N4BP2L2: variants seen among roughly 807,000 people sequenced by gnomAD.
N4BP2L2 encodes the protein NEDD4-binding protein 2-like 2.
A neutral mutation model predicts 56.2 loss-of-function variants in N4BP2L2; 50 were observed. The observed-to-expected ratio is 0.89, with a 90% CI of 0.71 to 1.13. The LOEUF is 1.13. Ranked by LOEUF, N4BP2L2 falls within the 50% of genes most tolerant of loss-of-function variation. The probability of loss-of-function intolerance (pLI) is 0.00; values close to 1 mark genes in which losing one functional copy is unlikely to be tolerated. For synonymous variants in N4BP2L2, 203 were observed against 223.6 expected, an observed-to-expected ratio of 0.91 and a Z score of 0.82; for missense variants, 689 against 693.8, an observed-to-expected ratio of 0.99 and a Z score of 0.08.
At chr13:32,458,589 TA>T (rs1448222285) in intron 6 of N4BP2L2, among the ~76,000 whole-genome samples, 1 of 152,136 alleles carries the variant, frequency 6.6e-6, no homozygotes, top group Non-Finnish European at 1.5e-5. Context: ...TAGGATATAA[TA>T]ATACTAAATA....
intron 6 of N4BP2L2, among the ~76,000 whole-genome samples, chr13:32,492,916 G>T (rs1220740831): frequency 3.5e-4 from 38 of 107,468 alleles, no homozygotes; most frequent in African/African-American, 4.8e-4. Flanking sequence ...TAGCTTTTCT[G>T]TTTTTTTTTT....
At chr13:32,443,018 T>C (rs2076586427) in exon 7 of N4BP2L2, 1 of 1,613,538 alleles carries the variant, frequency 6.2e-7, no homozygotes, top group Non-Finnish European at 8.5e-7. Flanking sequence ...TTTACACCGA[T>C]ACGACTCTGT....
intron 3 of N4BP2L2, chr13:32,522,827 T>C (rs1186572915): frequency 6.6e-6 from 1 of 152,232 alleles, no homozygotes; most frequent in Non-Finnish European, 1.5e-5. Context: ...TTTGGGAAAG[T>C]TACCGCAGAT....
At chr13:32,530,468 G>C (rs1218763883) in intron 2 of N4BP2L2, among the ~76,000 whole-genome samples, 1 of 151,978 alleles carries the variant, frequency 6.6e-6, no homozygotes, top group Non-Finnish European at 1.5e-5. Flanking sequence ...GTACTAAAAT[G>C]GATTCTCAGA....
intron 6 of N4BP2L2, among the ~76,000 whole-genome samples, chr13:32,496,105 G>A (rs2088549788): frequency 6.6e-6 from 1 of 152,170 alleles, no homozygotes; most frequent in South Asian, 2.1e-4. Flanking sequence ...GCCAGGAAGG[G>A]CAATGTGCTA....
At chr13:32,434,331 C>T (rs907226082) in intron 9 of N4BP2L2, among the ~76,000 whole-genome samples, 6 of 149,290 alleles carry the variant, frequency 4.0e-5, no homozygotes, top group Non-Finnish European at 7.4e-5. Flanking sequence ...CTCCTGAGCT[C>T]GGGCAATCTG....
intron 2 of N4BP2L2, among the ~76,000 whole-genome samples, chr13:32,534,451 T>C (rs1303767483): frequency 6.6e-6 from 1 of 152,150 alleles, no homozygotes; most frequent in Non-Finnish European, 1.5e-5. Context: ...ATTTCAGTTA[T>C]TTATTGTCTC....
chr13:32,464,483 G>A (rs550360998), intron 6 of N4BP2L2, among the ~76,000 whole-genome samples: 3 of 152,250 alleles, frequency 2.0e-5, no homozygotes, highest in African/African-American at 4.8e-5. Flanking sequence ...GAAAGCTCAC[G>A]TCCAACAGGA....
intron 3 of N4BP2L2, among the ~76,000 whole-genome samples, chr13:32,526,229 A>C (rs1219904734): frequency 1.3e-5 from 2 of 152,202 alleles, no homozygotes; most frequent in Non-Finnish European, 2.9e-5. Context: ...TAAAAGAAGG[A>C]ACATGCTATG....
intron 6 of N4BP2L2, among the ~76,000 whole-genome samples, chr13:32,486,471 T>C (rs1035730312): frequency 6.7e-6 from 1 of 148,950 alleles, no homozygotes; most frequent in Non-Finnish European, 1.5e-5. Flanking sequence ...AGGTCGGGAG[T>C]TCAAGACCAG....
At chr13:32,463,603 G>A (rs2080625969) in intron 6 of N4BP2L2, among the ~76,000 whole-genome samples, 2 of 150,920 alleles carry the variant, frequency 1.3e-5, no homozygotes, top group Admixed American at 6.6e-5. Context: ...GGCAGAGGTT[G>A]CGGTGAGCAG....
chr13:32,484,052 A>C (rs1300530276), intron 6 of N4BP2L2, among the ~76,000 whole-genome samples: 1 of 152,030 alleles, frequency 6.6e-6, no homozygotes, highest in East Asian at 1.9e-4. Context: ...TACAACTTAC[A>C]TAATCCAAGC....
intron 6 of N4BP2L2, among the ~76,000 whole-genome samples, chr13:32,494,756 C>A (rs994896897): frequency 6.6e-6 from 1 of 152,070 alleles, no homozygotes; most frequent in Admixed American, 6.6e-5. Flanking sequence ...ACAGAGTAAC[C>A]CAGGTTCTCT....
exon 6 of N4BP2L2, chr13:32,513,236 T>C (rs184249312): frequency 6.6e-6 from 1 of 152,298 alleles, no homozygotes; most frequent in Non-Finnish European, 1.5e-5. Context: ...TTACAAACCA[T>C]GCAAAAGTGA....
intron 6 of N4BP2L2, among the ~76,000 whole-genome samples, chr13:32,477,108 C>T (rs1406491840): frequency 6.6e-6 from 1 of 152,172 alleles, no homozygotes; most frequent in African/African-American, 2.4e-5. Flanking sequence ...TACCAGTGAA[C>T]TTGAATGTGT....
intron 6 of N4BP2L2, among the ~76,000 whole-genome samples, chr13:32,449,089 T>C (rs1310618415): frequency 6.6e-6 from 1 of 152,186 alleles, no homozygotes; most frequent in Admixed American, 6.5e-5. Flanking sequence ...ATTCTCTCCA[T>C]TGCCTCTGTA....
At chr13:32,478,134 A>G in intron 6 of N4BP2L2, 7 of 1,092,136 alleles carry the variant, frequency 6.4e-6, no homozygotes, top group Non-Finnish European at 8.4e-6. Flanking sequence ...CGTCTACGCC[A>G]TGGCCAGAAC....
chr13:32,476,864 G>A (rs758593318), intron 6 of N4BP2L2, among the ~76,000 whole-genome samples: 17 of 152,200 alleles, frequency 1.1e-4, no homozygotes, highest in Non-Finnish European at 2.2e-4. Context: ...TGGCAGTGTG[G>A]TGCAAGGTGG....
exon 8 of N4BP2L2, chr13:32,438,724 A>C (rs749973683): frequency 6.2e-7 from 1 of 1,607,528 alleles, no homozygotes. Context: ...CATAGTCATC[A>C]GGCAACAAGG....
Sources: allele counts gnomAD v4.1 joint callset (sites outside exome capture counted in the v4.1 genomes callset), GRCh38; gene constraint gnomAD v4.1.1; transcripts MANE v1.5; gene names NCBI Gene and HGNC (gene_info 2026-07-23, HGNC 2026-07-21).